FHIT: variants seen among roughly 807,000 people sequenced by gnomAD.
FHIT encodes bis(5'-adenosyl)-triphosphatase.
FHIT carries 19 observed loss-of-function variants against 17.9 expected under a neutral mutation model. The observed-to-expected ratio is 1.06, with a 90% CI of 0.74 to 1.56. The LOEUF is 1.56. Ranked by LOEUF, FHIT falls within the 40% of genes most tolerant of loss-of-function variation. The pLI, the probability that FHIT is intolerant of heterozygous loss-of-function variation, is 0.00. For synonymous variants in FHIT, 81 were observed against 69.7 expected (o/e 1.16, Z -0.81); for missense variants, 248 against 189.2 (o/e 1.31, Z -1.82).
At chr3:60,921,219 C>T (rs905303512) in intron 3 of FHIT, among the ~76,000 whole-genome samples, 2 of 152,138 alleles carry the variant, frequency 1.3e-5, no homozygotes, top group East Asian at 3.9e-4. Flanking sequence ...TATGGCTGAA[C>T]CATAAAATGC....
chr3:61,208,042 A>T (rs1289123069), intron 1 of FHIT, among the ~76,000 whole-genome samples: 2 of 152,096 alleles, frequency 1.3e-5, no homozygotes, highest in Non-Finnish European at 2.9e-5. Context: ...TTCAAAGAAC[A>T]TCTTTATTTC....
At chr3:60,923,599 G>A (rs1410976043) in intron 3 of FHIT, among the ~76,000 whole-genome samples, 1 of 152,114 alleles carries the variant, frequency 6.6e-6, no homozygotes, top group Admixed American at 6.6e-5. Context: ...TGGCCGAATA[G>A]GAACAGCTCC....
At chr3:61,013,510 A>C (rs2107628409) in intron 3 of FHIT, among the ~76,000 whole-genome samples, 1 of 152,342 alleles carries the variant, frequency 6.6e-6, no homozygotes, top group African/African-American at 2.4e-5. Context: ...ATTTAGGTCC[A>C]AAATACAAAT....
chr3:60,424,963 C>T (rs562452309), intron 5 of FHIT, among the ~76,000 whole-genome samples: 13 of 152,206 alleles, frequency 8.5e-5, no homozygotes, highest in African/African-American at 3.1e-4. Context: ...GATTTTAATC[C>T]TATCTTCCCT....
chr3:61,054,593 C>T (rs923429895), intron 2 of FHIT, among the ~76,000 whole-genome samples: 13 of 152,148 alleles, frequency 8.5e-5, no homozygotes, highest in African/African-American at 3.1e-4. Flanking sequence ...TCAGATATTT[C>T]TGTATTTCAT....
chr3:59,970,439 T>C (rs1348947707), intron 7 of FHIT, among the ~76,000 whole-genome samples: 1 of 152,102 alleles, frequency 6.6e-6, no homozygotes, highest in Non-Finnish European at 1.5e-5. Flanking sequence ...TGTCAGTAAG[T>C]GGTGGGAAGC....
At chr3:59,750,012 A>G (rs963385400) in intron 9 of FHIT, 1 of 205,244 alleles carries the variant, frequency 4.9e-6, no homozygotes, top group Non-Finnish European at 9.6e-6. Flanking sequence ...AGAAATACAC[A>G]TGTTAGTTAA....
At chr3:61,012,581 G>A (rs1304861059) in intron 3 of FHIT, among the ~76,000 whole-genome samples, 1 of 151,314 alleles carries the variant, frequency 6.6e-6, no homozygotes, top group African/African-American at 2.4e-5. Flanking sequence ...GTTTTGTTTT[G>A]AAACAAATAA....
intron 5 of FHIT, among the ~76,000 whole-genome samples, chr3:60,017,744 A>G (rs1477809146): frequency 6.6e-6 from 1 of 152,234 alleles, no homozygotes; most frequent in Non-Finnish European, 1.5e-5. Flanking sequence ...GCTGCATTAA[A>G]GTGGTGTGAC....
intron 3 of FHIT, among the ~76,000 whole-genome samples, chr3:60,857,768 A>T (rs1553750351): frequency 6.6e-6 from 1 of 152,110 alleles, no homozygotes; most frequent in African/African-American, 2.4e-5. Flanking sequence ...ATCTCTACAA[A>T]AAATGAAAAA....
chr3:59,991,867 C>T (rs115554571), intron 7 of FHIT, among the ~76,000 whole-genome samples: 1,600 of 152,154 alleles, frequency 0.011, 32 homozygotes, highest in African/African-American at 0.036. Context: ...GAGAGAAACA[C>T]AGAGTCTTGA....
intron 2 of FHIT, among the ~76,000 whole-genome samples, chr3:61,043,828 C>T (rs2033649206): frequency 6.6e-6 from 1 of 152,220 alleles, no homozygotes. Context: ...GCAATATTTG[C>T]TGTTCTGCAG....
At chr3:60,115,740 GT>G (rs1345057527) in intron 5 of FHIT, among the ~76,000 whole-genome samples, 2 of 151,928 alleles carry the variant, frequency 1.3e-5, no homozygotes, top group Non-Finnish European at 2.9e-5. Context: ...AAGAAATCAG[GT>G]TTTCAATACT....
intron 4 of FHIT, among the ~76,000 whole-genome samples, chr3:60,776,951 C>G (rs552654533): frequency 2.6e-5 from 4 of 152,244 alleles, no homozygotes; most frequent in African/African-American, 9.6e-5. Flanking sequence ...CTACATTCAA[C>G]CAAGGGTATT....
chr3:60,455,310 G>A (rs1227178774), intron 5 of FHIT, among the ~76,000 whole-genome samples: 1 of 152,000 alleles, frequency 6.6e-6, no homozygotes, highest in Admixed American at 6.6e-5. Context: ...GATAACAAGG[G>A]CCCTCATCCA....
chr3:60,273,931 T>C (rs1256796595), intron 5 of FHIT, among the ~76,000 whole-genome samples: 1 of 152,066 alleles, frequency 6.6e-6, no homozygotes, highest in East Asian at 1.9e-4. Context: ...AGATTAAATA[T>C]TAAAATGCAC....
At chr3:59,894,721 A>G (rs1032755060) in intron 8 of FHIT, among the ~76,000 whole-genome samples, 2 of 152,252 alleles carry the variant, frequency 1.3e-5, no homozygotes, top group African/African-American at 4.8e-5. Flanking sequence ...AGGGCATTGC[A>G]AAGTGATCAA....
intron 4 of FHIT, among the ~76,000 whole-genome samples, chr3:60,737,225 T>C (rs941957840): frequency 2.0e-5 from 3 of 152,190 alleles, no homozygotes; most frequent in Admixed American, 6.5e-5. Context: ...TAAACTACAT[T>C]ATGAGCCGGA....
chr3:60,408,604 C>T (rs537405288), intron 5 of FHIT, among the ~76,000 whole-genome samples: 7 of 152,126 alleles, frequency 4.6e-5, no homozygotes, highest in African/African-American at 1.7e-4. Context: ...GAGAGACAAT[C>T]AGGGAGAGAA....
Sources: allele counts gnomAD v4.1 joint callset (sites outside exome capture counted in the v4.1 genomes callset), GRCh38; gene constraint gnomAD v4.1.1; transcripts MANE v1.5; gene names NCBI Gene and HGNC (gene_info 2026-07-23, HGNC 2026-07-21).